The following LRMDA variants were observed in gnomAD, a reference collection of about 807,000 sequenced individuals.
The protein encoded by LRMDA is leucine-rich melanocyte differentiation-associated protein.
In LRMDA, 18 loss-of-function variants were observed where a neutral mutation model predicts 29.8. The ratio of observed to expected loss-of-function variants is 0.60; its 90% CI spans 0.42 to 0.90. The LOEUF (loss-of-function observed/expected upper bound fraction) is 0.90, where lower values mean the gene tolerates loss of function less well. Ranked by LOEUF, LRMDA falls within the 40% of genes least tolerant of loss-of-function variation. The probability of loss-of-function intolerance (pLI) is 0.00; values close to 1 mark genes in which losing one functional copy is unlikely to be tolerated. For missense variants in LRMDA, 273 were observed against 273.9 expected (o/e 1.00, Z 0.02); for synonymous variants, 125 against 109.4 (o/e 1.14, Z -0.89).
At chr10:75,854,753 G>T (rs1844794263) in intron 2 of LRMDA, among the ~76,000 whole-genome samples, 1 of 150,450 alleles carries the variant, frequency 6.6e-6, no homozygotes, top group Admixed American at 6.6e-5. Flanking sequence ...AGTGTGTGAT[G>T]TTCCCTTTCC....
chr10:76,535,715 A>T (rs1376380496), intron 6 of LRMDA: 1 of 152,056 alleles, frequency 6.6e-6, no homozygotes, highest in African/African-American at 2.4e-5. Context: ...ATTGGGCCAT[A>T]TTTGCCATTT....
chr10:76,305,888 A>G (rs1840549174), intron 5 of LRMDA, among the ~76,000 whole-genome samples: 1 of 152,230 alleles, frequency 6.6e-6, no homozygotes, highest in Non-Finnish European at 1.5e-5. Context: ...AATTTTGAAA[A>G]AAGAAAATAA....
chr10:75,920,830 C>T (rs1004615129), intron 2 of LRMDA, among the ~76,000 whole-genome samples: 1 of 152,192 alleles, frequency 6.6e-6, no homozygotes, highest in African/African-American at 2.4e-5. Flanking sequence ...AGTACTGCCT[C>T]TTCTTTATGT....
chr10:76,457,192 G>C (rs898201915), intron 6 of LRMDA, among the ~76,000 whole-genome samples: 1 of 152,112 alleles, frequency 6.6e-6, no homozygotes, highest in East Asian at 1.9e-4. Flanking sequence ...TCAACTTTTC[G>C]AAGTTTAATG....
chr10:76,029,259 C>G (rs1183749217), intron 2 of LRMDA, among the ~76,000 whole-genome samples: 1 of 152,018 alleles, frequency 6.6e-6, no homozygotes, highest in Non-Finnish European at 1.5e-5. Flanking sequence ...GATATATATC[C>G]TACCTCATTC....
At chr10:75,542,314 C>T (rs140554200) in intron 2 of LRMDA, among the ~76,000 whole-genome samples, 16 of 151,978 alleles carry the variant, frequency 1.1e-4, no homozygotes, top group African/African-American at 3.1e-4. Context: ...ACCCTTGGGA[C>T]GCTTAAAAGC....
intron 2 of LRMDA, among the ~76,000 whole-genome samples, chr10:75,661,583 T>G (rs1841753911): frequency 6.6e-6 from 1 of 152,092 alleles, no homozygotes; most frequent in South Asian, 2.1e-4. Context: ...GATAAGAGAG[T>G]GTCACCTCTA....
chr10:76,506,213 G>C (rs1221673531), intron 6 of LRMDA, among the ~76,000 whole-genome samples: 1 of 152,132 alleles, frequency 6.6e-6, no homozygotes, highest in African/African-American at 2.4e-5. Context: ...ACTGTGTCCA[G>C]TTGGACGTCT....
At chr10:76,217,874 T>A (rs1421871234) in intron 5 of LRMDA, among the ~76,000 whole-genome samples, 1 of 152,162 alleles carries the variant, frequency 6.6e-6, no homozygotes, top group Non-Finnish European at 1.5e-5. Flanking sequence ...TCTAGAGTTC[T>A]TAGGGAGTCC....
At chr10:76,445,154 T>C (rs76429116) in intron 6 of LRMDA, among the ~76,000 whole-genome samples, 2,930 of 152,266 alleles carry the variant, frequency 0.019, 103 homozygotes, top group African/African-American at 0.066. Flanking sequence ...ATGCCTACCC[T>C]TCTCCATGAT....
chr10:75,838,167 T>A (rs1288648230), intron 2 of LRMDA, among the ~76,000 whole-genome samples: 1 of 152,184 alleles, frequency 6.6e-6, no homozygotes, highest in African/African-American at 2.4e-5. Context: ...CAGAAACCAT[T>A]GTGATTAAAA....
intron 2 of LRMDA, among the ~76,000 whole-genome samples, chr10:75,585,582 G>C (rs894893273): frequency 6.6e-6 from 1 of 152,178 alleles, no homozygotes; most frequent in Non-Finnish European, 1.5e-5. Flanking sequence ...AAGTAGTTCT[G>C]TCAATTTGTG....
chr10:76,467,429 T>G (rs1842575416), intron 6 of LRMDA, among the ~76,000 whole-genome samples: 1 of 152,220 alleles, frequency 6.6e-6, no homozygotes, highest in Admixed American at 6.5e-5. Context: ...GCAGTTGCAT[T>G]CTTAGCAGAA....
chr10:75,567,792 G>A (rs1455749737), intron 2 of LRMDA, among the ~76,000 whole-genome samples: 2 of 152,168 alleles, frequency 1.3e-5, no homozygotes, highest in Non-Finnish European at 2.9e-5. Context: ...TATTTTATCA[G>A]TTAGAACTTA....
At chr10:75,947,368 CT>C (rs1370989607) in intron 2 of LRMDA, among the ~76,000 whole-genome samples, 6 of 152,148 alleles carry the variant, frequency 3.9e-5, no homozygotes, top group African/African-American at 1.4e-4. Flanking sequence ...GACTGTGTAG[CT>C]TTCCAAGCTT....
At chr10:76,261,392 C>A (rs1347869688) in intron 5 of LRMDA, among the ~76,000 whole-genome samples, 1 of 152,020 alleles carries the variant, frequency 6.6e-6, no homozygotes, top group African/African-American at 2.4e-5. Flanking sequence ...TCAATCTAAG[C>A]TAATCACCTG....
intron 2 of LRMDA, among the ~76,000 whole-genome samples, chr10:75,814,027 C>A (rs751672772): frequency 5.3e-5 from 8 of 152,216 alleles, no homozygotes; most frequent in Non-Finnish European, 1.2e-4. Flanking sequence ...CCCATTTCTG[C>A]TTTCATTTGA....
At chr10:76,104,933 C>T (rs1002622168) in intron 5 of LRMDA, among the ~76,000 whole-genome samples, 2 of 152,174 alleles carry the variant, frequency 1.3e-5, no homozygotes, top group Non-Finnish European at 2.9e-5. Flanking sequence ...ATGTACAAAG[C>T]AAGCTCCTGC....
intron 2 of LRMDA, among the ~76,000 whole-genome samples, chr10:75,487,976 T>C (rs1844935533): frequency 6.6e-6 from 1 of 152,222 alleles, no homozygotes; most frequent in Non-Finnish European, 1.5e-5. Flanking sequence ...CACAGACTAA[T>C]TTCTCTGTTG....
Sources: allele counts gnomAD v4.1 joint callset (sites outside exome capture counted in the v4.1 genomes callset), GRCh38; gene constraint gnomAD v4.1.1; transcripts MANE v1.5; gene names NCBI Gene and HGNC (gene_info 2026-07-23, HGNC 2026-07-21).